The following SMYD3 variants were observed in gnomAD, a reference collection of about 807,000 sequenced individuals.
SMYD3 encodes the protein SET and MYND domain containing 3.
In SMYD3, 36 loss-of-function variants were observed where a neutral mutation model predicts 57.7. The observed-to-expected ratio is 0.62, with a 90% CI of 0.48 to 0.82. The LOEUF is 0.82. Among genes scored for constraint, SMYD3 ranks in the 40% least tolerant of loss-of-function variants. SMYD3 has a pLI of 0.00. For missense variants in SMYD3, 515 were observed against 538.8 expected (o/e 0.96, Z 0.44); for synonymous variants, 211 against 195.0 (o/e 1.08, Z -0.68).
chr1:246,106,573 C>G (rs1193032519), intron 5 of SMYD3, among the ~76,000 whole-genome samples: 1 of 152,172 alleles, frequency 6.6e-6, no homozygotes, highest in African/African-American at 2.4e-5. Flanking sequence ...AGACCATTAA[C>G]TTTCTGAAAT....
chr1:246,150,070 A>G (rs2061918392), intron 5 of SMYD3, among the ~76,000 whole-genome samples: 1 of 152,336 alleles, frequency 6.6e-6, no homozygotes, highest in Middle Eastern at 3.4e-3. Context: ...ACAGGGATTG[A>G]TTCTATAGAA....
chr1:246,186,204 A>G (rs2062637712), intron 5 of SMYD3, among the ~76,000 whole-genome samples: 1 of 152,252 alleles, frequency 6.6e-6, no homozygotes, highest in South Asian at 2.1e-4. Context: ...CTCACTAGAA[A>G]ATGAGTAAGA....
At chr1:246,415,846 C>T (rs1204035429) in intron 1 of SMYD3, among the ~76,000 whole-genome samples, 2 of 152,188 alleles carry the variant, frequency 1.3e-5, no homozygotes, top group Non-Finnish European at 1.5e-5. Context: ...TCTATTGCCA[C>T]TCAAACTCTG....
At chr1:245,952,890 C>A (rs2057708754) in intron 5 of SMYD3, among the ~76,000 whole-genome samples, 1 of 152,134 alleles carries the variant, frequency 6.6e-6, no homozygotes, top group Non-Finnish European at 1.5e-5. Flanking sequence ...AAGCCTCTAC[C>A]CATTGAGGTT....
At chr1:246,254,087 C>G (rs908285279) in intron 5 of SMYD3, among the ~76,000 whole-genome samples, 2 of 152,128 alleles carry the variant, frequency 1.3e-5, no homozygotes, top group African/African-American at 4.8e-5. Context: ...CCAACATTTT[C>G]TCTCATTCTG....
Position 246,507,209 on chromosome 1 carries a change from C to T in SMYD3, c.9G>A (p.Pro3=), listed in dbSNP as rs777785088. 1.3e-5 allele frequency: 19 copies of T among 1,518,854 alleles called. No individual in the cohort carries two copies. The highest frequency in any genetic ancestry group is 1.6e-5 in the Non-Finnish European group (18 of 1,131,944). The allele number at this position is 1,518,854 out of a possible 1,614,324, so 94.1% of individuals were successfully genotyped here. A position where few individuals can be genotyped will look rare whatever the true frequency, so the allele number is the denominator to read the frequency against. The change falls in exon 1 of 12, where the codon CCG becomes CCA. Residue 3 remains proline (P), a synonymous_variant. Transcript: ENST00000490107. The part of the protein sequence containing the change: ME[P]LKVEKFATAK... ...CGGTTGCGAACTTTTCCACCTTCAG[C>T]GGCTCCATCCTCCCGCAGCTCCGGC...
intron 10 of SMYD3, among the ~76,000 whole-genome samples, chr1:245,773,500 C>T (rs2046421461): frequency 6.6e-6 from 1 of 152,224 alleles, no homozygotes; most frequent in Non-Finnish European, 1.5e-5. Flanking sequence ...AGGGAAACCT[C>T]AGGGGCTGTG....
At chr1:246,195,717 T>G (rs919592504) in intron 5 of SMYD3, among the ~76,000 whole-genome samples, 4 of 152,228 alleles carry the variant, frequency 2.6e-5, no homozygotes, top group African/African-American at 9.6e-5. Context: ...AAAGAATGCC[T>G]CTCACTAAGT....
At chr1:246,467,307 A>G (rs1272292651) in intron 1 of SMYD3, among the ~76,000 whole-genome samples, 1 of 152,216 alleles carries the variant, frequency 6.6e-6, no homozygotes, top group Non-Finnish European at 1.5e-5. Flanking sequence ...TTAGGATGCT[A>G]CCTGTTTTGC....
At chr1:246,506,208 A>C (rs1365205250) in intron 1 of SMYD3, among the ~76,000 whole-genome samples, 2 of 152,222 alleles carry the variant, frequency 1.3e-5, no homozygotes, top group African/African-American at 4.8e-5. Flanking sequence ...GAAGCTCAAT[A>C]ATATTTGTTG....
At chr1:246,106,069 A>T (rs2061112574) in intron 5 of SMYD3, among the ~76,000 whole-genome samples, 1 of 152,212 alleles carries the variant, frequency 6.6e-6, no homozygotes, top group Admixed American at 6.5e-5. Context: ...TTTGCTTGAC[A>T]TGAGTTCAGA....
chr1:245,814,866 A>ACACACACGCACG (rs1312569770), intron 10 of SMYD3, among the ~76,000 whole-genome samples: 1 of 134,878 alleles, frequency 7.4e-6, no homozygotes, highest in Non-Finnish European at 1.5e-5. Flanking sequence ...ACGCAAGCAC[A>ACACACACGCACG]CACACACGCA....
At chr1:245,907,059 A>G (rs1481238688) in intron 8 of SMYD3, among the ~76,000 whole-genome samples, 2 of 152,196 alleles carry the variant, frequency 1.3e-5, no homozygotes, top group Admixed American at 1.3e-4. Context: ...GGCTTCCCAG[A>G]GGCTGCAAAT....
At chr1:245,794,217 T>G (rs1357670030) in intron 10 of SMYD3, among the ~76,000 whole-genome samples, 1 of 152,230 alleles carries the variant, frequency 6.6e-6, no homozygotes, top group African/African-American at 2.4e-5. Flanking sequence ...GTTCTACGCA[T>G]TCTACAACTT....
intron 5 of SMYD3, among the ~76,000 whole-genome samples, chr1:246,122,359 C>T (rs2061437485): frequency 6.6e-6 from 1 of 152,134 alleles, no homozygotes; most frequent in African/African-American, 2.4e-5. Flanking sequence ...CTGCAGTGTG[C>T]CAAGAGCCAA....
chr1:246,441,661 G>C (rs1190788552), intron 1 of SMYD3, among the ~76,000 whole-genome samples: 1 of 152,138 alleles, frequency 6.6e-6, no homozygotes, highest in Non-Finnish European at 1.5e-5. Flanking sequence ...GTCCAGCCTG[G>C]AGTGCAGTGG....
rs192686568 is a variant in SMYD3 at position 245,981,993 on chromosome 1, G to A, written c.532-52056C>T. Among the ~76,000 whole-genome samples the A allele has an allele frequency of 3.0e-3, 457 of 152,354 alleles. 1 individual carries two copies. The highest frequency in any genetic ancestry group is 9.9e-3 in the African/African-American group (410 of 41,592). ...AGACCCACGGTCATGGGGACCTTGA[G>A]CACGTGGGGTCTTCTTTTAGGAGGG... On this transcript the variant is annotated intron_variant, in intron 5 of 11. Transcript: ENST00000490107.
chr1:246,390,705 A>T (rs2066546702), intron 1 of SMYD3, among the ~76,000 whole-genome samples: 1 of 152,228 alleles, frequency 6.6e-6, no homozygotes, highest in Non-Finnish European at 1.5e-5. Flanking sequence ...TACAAAAATT[A>T]TGAATATTTT....
At chr1:246,149,485 A>G (rs2061908612) in intron 5 of SMYD3, among the ~76,000 whole-genome samples, 1 of 152,230 alleles carries the variant, frequency 6.6e-6, no homozygotes, top group Non-Finnish European at 1.5e-5. Context: ...AGCAGAAGTG[A>G]TAATTTTTTT....
Sources: gnomAD v4.1 joint callset for allele counts (sites outside exome capture counted in the v4.1 genomes callset) on GRCh38, gnomAD v4.1.1 for gene constraint, MANE v1.5 for transcripts, NCBI Gene and HGNC (gene_info 2026-07-23, HGNC 2026-07-21) for gene names.